Variants in MAD1L1 observed in about 807,000 individuals in gnomAD.
The protein encoded by MAD1L1 is mitotic arrest deficient 1 like 1.
A neutral mutation model predicts 96.9 loss-of-function variants in MAD1L1; 95 were observed. The ratio of observed to expected loss-of-function variants is 0.98; its 90% CI spans 0.83 to 1.16. The LOEUF (loss-of-function observed/expected upper bound fraction) is 1.16. Among genes scored for constraint, MAD1L1 ranks in the 50% most tolerant of loss-of-function variants. The pLI is 0.00. For missense variants in MAD1L1, 1,007 were observed against 954.4 expected, an observed-to-expected ratio of 1.06 and a Z score of -0.73; for synonymous variants, 473 against 396.6, an observed-to-expected ratio of 1.19 and a Z score of -2.29.
chr7:1,960,818 C>T (rs755212055), intron 15 of MAD1L1, among the ~76,000 whole-genome samples: 1 of 152,160 alleles, frequency 6.6e-6, no homozygotes, highest in Non-Finnish European at 1.5e-5. Context: ...AATGCTTCGA[C>T]TCTTAAGAGC....
At chr7:1,973,414 G>A (rs949134381) in intron 15 of MAD1L1, among the ~76,000 whole-genome samples, 2 of 152,136 alleles carry the variant, frequency 1.3e-5, no homozygotes, top group African/African-American at 4.8e-5. Flanking sequence ...TCACAAGGGC[G>A]ACAGACAGGC....
chr7:2,066,306 G>C (rs1183152730), intron 12 of MAD1L1, among the ~76,000 whole-genome samples: 1 of 152,202 alleles, frequency 6.6e-6, no homozygotes, highest in African/African-American at 2.4e-5. Flanking sequence ...GTGGGCACTG[G>C]CCGACACCAA....
chr7:2,062,578 CA>C (rs1274039388), intron 12 of MAD1L1, among the ~76,000 whole-genome samples: 2 of 146,850 alleles, frequency 1.4e-5, no homozygotes, highest in Non-Finnish European at 1.5e-5. Context: ...CTGTCTCAAA[CA>C]AAAAAAAAAC....
intron 12 of MAD1L1, among the ~76,000 whole-genome samples, chr7:2,040,305 T>C (rs1783617601): frequency 6.6e-6 from 1 of 152,184 alleles, no homozygotes; most frequent in South Asian, 2.1e-4. Context: ...CCATCTCAGC[T>C]CCTCCGGACC....
At chr7:1,855,918 G>A (rs1562461776) in intron 18 of MAD1L1, among the ~76,000 whole-genome samples, 1 of 152,162 alleles carries the variant, frequency 6.6e-6, no homozygotes. Context: ...CTTATGAGCA[G>A]CAGACATTGG....
At position 2,222,008 on chromosome 7, in the gene MAD1L1, A is replaced by G. The variant is rs577832415; in HGVS notation, c.471+567T>C. Among the ~76,000 whole-genome samples, 29 of 152,314 alleles carry G rather than the reference A, an allele frequency of 1.9e-4. No homozygotes were observed. In the South Asian group the frequency reaches 6.0e-3, roughly 32 times the overall value. Reference sequence around the variant, plus strand: ...GCGAACACAAACACACTAAACGTCCACAAACAACAAAAAACAGATTCATCA... The same window carrying G: ...GCGAACACAAACACACTAAACGTCCGCAAACAACAAAAAACAGATTCATCA... On this transcript the variant is annotated intron_variant, in intron 5 of 18. Transcript: ENST00000265854.
intron 12 of MAD1L1, among the ~76,000 whole-genome samples, chr7:2,049,070 C>G (rs184124510): frequency 1.3e-5 from 2 of 152,198 alleles, no homozygotes; most frequent in Admixed American, 1.3e-4. Context: ...TATATTTGAA[C>G]ATTACAATTT....
chr7:2,111,437 G>C (rs1178532076), intron 11 of MAD1L1, among the ~76,000 whole-genome samples: 1 of 152,238 alleles, frequency 6.6e-6, no homozygotes, highest in African/African-American at 2.4e-5. Flanking sequence ...ATGAGGTACA[G>C]TCTTTCCCTA....
intron 16 of MAD1L1, among the ~76,000 whole-genome samples, chr7:1,940,867 G>A (rs576773900): frequency 5.9e-4 from 71 of 121,052 alleles, no homozygotes; most frequent in Non-Finnish European, 1.1e-3. Context: ...GCTGACCCCT[G>A]GCAAGAACCA....
intron 3 of MAD1L1, among the ~76,000 whole-genome samples, chr7:2,228,768 T>C (rs958854079): frequency 8.8e-5 from 13 of 148,284 alleles, no homozygotes; most frequent in African/African-American, 3.0e-4. Context: ...TGAGACAGGG[T>C]CTCACTCTGT....
At chr7:1,860,294 TG>T (rs1193114051) in intron 18 of MAD1L1, among the ~76,000 whole-genome samples, 2 of 137,520 alleles carry the variant, frequency 1.5e-5, no homozygotes, top group African/African-American at 5.8e-5. Flanking sequence ...GCGGCCTCTG[TG>T]TCCCTAGACC....
intron 14 of MAD1L1, among the ~76,000 whole-genome samples, chr7:1,982,304 G>T (rs112054057): frequency 0.034 from 5,166 of 152,174 alleles, 189 homozygotes; most frequent in Admixed American, 0.097. Context: ...CAGCTCCCAG[G>T]TTCAAGCGAT....
chr7:1,944,975 A>G (rs921538358), intron 16 of MAD1L1, among the ~76,000 whole-genome samples: 1 of 152,192 alleles, frequency 6.6e-6, no homozygotes, highest in Non-Finnish European at 1.5e-5. Context: ...GTGGCCACCA[A>G]GGGAGCCGGA....
At chr7:1,835,265 A>G (rs1479543287) in intron 18 of MAD1L1, among the ~76,000 whole-genome samples, 1 of 152,244 alleles carries the variant, frequency 6.6e-6, no homozygotes, top group Non-Finnish European at 1.5e-5. Context: ...CAGGACAAGG[A>G]TGTTCACTCT....
intron 10 of MAD1L1, among the ~76,000 whole-genome samples, chr7:2,207,091 A>G (rs1170010931): frequency 1.3e-5 from 2 of 152,192 alleles, no homozygotes; most frequent in African/African-American, 4.8e-5. Flanking sequence ...AAAAAAAAAA[A>G]AAAAGAAATT....
chr7:2,037,809 G>A lies in MAD1L1; in HGVS notation c.1219-23167C>T, dbSNP rs534049209. 2.4e-4 allele frequency among the ~76,000 whole-genome samples: 37 copies of A among 152,108 alleles called. No homozygotes were observed. The South Asian group carries it at 7.5e-3, about 31-fold the overall frequency. On this transcript the variant is annotated intron_variant, in intron 12 of 18. Coordinates refer to ENST00000265854, the MANE Select transcript of MAD1L1 (RefSeq NM_001013836.2). ...CCTTGGGCCTCTCTATTCCCTGGGC[G>A]ACACAACAGTATTAAAATCAGGCCA...
chr7:1,917,658 C>T (rs934678834), intron 17 of MAD1L1, among the ~76,000 whole-genome samples: 2 of 152,194 alleles, frequency 1.3e-5, no homozygotes, highest in Admixed American at 6.5e-5. Flanking sequence ...AGAAGGGTGT[C>T]GCGGCGACGG....
chr7:1,874,212 C>T (rs901523153), intron 18 of MAD1L1, among the ~76,000 whole-genome samples: 2 of 152,152 alleles, frequency 1.3e-5, no homozygotes, highest in South Asian at 2.1e-4. Flanking sequence ...TCTCGGTGCA[C>T]GGCTGGTAAG....
rs115948925 is a variant in MAD1L1 at position 1,999,260 on chromosome 7, C to A, written c.1416+2805G>T. Among the ~76,000 whole-genome samples, 466 of 152,246 alleles carry A rather than the reference C, an allele frequency of 3.1e-3. 4 individuals carry two copies. Among genetic ancestry groups the A allele is most frequent in the African/African-American group, 0.011 (446 of 41,514 alleles). On this transcript the variant is annotated intron_variant, in intron 14 of 18. Transcript: ENST00000265854. ...AAAATAAACAAAACAACAACCCCACCCCCCAGTATTTCTACAGCCTAAAGA... is the reference window on the plus strand; with the variant it reads ...AAAATAAACAAAACAACAACCCCACACCCCAGTATTTCTACAGCCTAAAGA...
Sources: gnomAD v4.1 joint callset for allele counts (sites outside exome capture counted in the v4.1 genomes callset) on GRCh38, gnomAD v4.1.1 for gene constraint, MANE v1.5 for transcripts, NCBI Gene and HGNC (gene_info 2026-07-23, HGNC 2026-07-21) for gene names.